ZNF431: variants seen among roughly 807,000 people sequenced by gnomAD.
The protein encoded by ZNF431 is zinc finger protein 431.
In ZNF431, 34 loss-of-function variants were observed where a neutral mutation model predicts 57.0. The ratio of observed to expected loss-of-function variants is 0.60; its 90% CI spans 0.45 to 0.79. The LOEUF (loss-of-function observed/expected upper bound fraction) is 0.79, where lower values mean the gene tolerates loss of function less well. ZNF431 is among the 30% of genes least tolerant of loss of function. The probability of loss-of-function intolerance (pLI) is 0.00; values close to 1 mark genes in which losing one functional copy is unlikely to be tolerated. For synonymous variants in ZNF431, 207 were observed against 220.3 expected (o/e 0.94, Z 0.54); for missense variants, 607 against 667.1 (o/e 0.91, Z 0.99).
In ZNF431 at chr19:21,187,507, G is replaced by C. The variant is rs976531118; in HGVS notation, c.*3473G>C. ...TAATCCCAGCACTTTGGGAGGCCAA[G>C]GTGGGCGAATCACTTGAGGTCGGGA... is the stretch of plus-strand genomic sequence containing the variant. On this transcript the variant is annotated 3_prime_UTR_variant, in exon 5 of 5. Coordinates refer to ENST00000311048, the MANE Select transcript of ZNF431 (RefSeq NM_133473.4). The C allele has an allele frequency of 6.6e-6, 1 of 151,714 alleles. No individual in the cohort carries two copies. The highest frequency in any genetic ancestry group is 2.4e-5 in the African/African-American group (1 of 41,272). The allele number at this position is 151,714 out of a possible 1,614,324, so 9.4% of individuals were successfully genotyped here.
chr19:21,148,895 T>A (rs7259520), intron 2 of ZNF431, among the ~76,000 whole-genome samples: 5 of 152,116 alleles, frequency 3.3e-5, no homozygotes, highest in Admixed American at 6.5e-5. Flanking sequence ...CTTACTTAGC[T>A]GTAAAACAGG....
At chr19:21,179,994 T>C (rs541289219) in intron 4 of ZNF431, among the ~76,000 whole-genome samples, 34 of 152,252 alleles carry the variant, frequency 2.2e-4, no homozygotes, top group Non-Finnish European at 2.1e-4. Context: ...TCAGTTTCGT[T>C]GTAGTTGCGG....
chr19:21,143,951 G>A (rs1426412389), intron 2 of ZNF431, among the ~76,000 whole-genome samples: 1 of 151,990 alleles, frequency 6.6e-6, no homozygotes, highest in Non-Finnish European at 1.5e-5. Flanking sequence ...AAATGCACCT[G>A]GAGCAGTCAC....
At chr19:21,177,467 T>C (rs777256254) in intron 4 of ZNF431, among the ~76,000 whole-genome samples, 37 of 152,152 alleles carry the variant, frequency 2.4e-4, no homozygotes, top group Admixed American at 2.6e-4. Context: ...TCATGATGCC[T>C]CCAGCTTTGT....
intron 4 of ZNF431, among the ~76,000 whole-genome samples, chr19:21,168,206 A>G (rs1423160931): frequency 6.6e-6 from 1 of 152,076 alleles, no homozygotes; most frequent in Non-Finnish European, 1.5e-5. Context: ...TTTCTCAAGA[A>G]TGCTTTGGCT....
chr19:21,148,625 GTCT>G (rs918834105), intron 2 of ZNF431, among the ~76,000 whole-genome samples: 28 of 152,162 alleles, frequency 1.8e-4, no homozygotes, highest in Admixed American at 1.6e-3. Context: ...ACATTTCCAT[GTCT>G]TCTTATATAA....
intron 2 of ZNF431, among the ~76,000 whole-genome samples, chr19:21,157,848 A>ATT (rs112684254): frequency 5.4e-4 from 75 of 137,700 alleles, no homozygotes; most frequent in African/African-American, 6.7e-4. Flanking sequence ...TTTTTAATGA[A>ATT]TTTTTTTTTT....
chr19:21,145,369 C>G (rs1970054589), intron 2 of ZNF431, among the ~76,000 whole-genome samples: 1 of 152,114 alleles, frequency 6.6e-6, no homozygotes, highest in African/African-American at 2.4e-5. Flanking sequence ...CCAGCTTACT[C>G]GGGAGGCTGA....
chr19:21,148,691 G>GT (rs900951359), intron 2 of ZNF431, among the ~76,000 whole-genome samples: 4 of 152,134 alleles, frequency 2.6e-5, no homozygotes, highest in Admixed American at 2.0e-4. Flanking sequence ...ATGTAAAACT[G>GT]TTTTTTAGTA....
rs111362670 is a variant in ZNF431, at chr19:21,176,238, CT to C, written c.320-6366del. On this transcript the variant is annotated intron_variant, in intron 4 of 4. Transcript: ENST00000311048. ...AGTGTTTCTTCTTGTTCTTTGCTCA[CT>C]TTTTTTTTTTTTTTTTTTGAGACTG... Among the ~76,000 whole-genome samples, 1,004 of 133,140 alleles carry C rather than the reference CT, an allele frequency of 7.5e-3. 3 individuals carry two copies. The highest frequency in any genetic ancestry group is 0.021 in the African/African-American group (759 of 36,018). The allele number at this position is 133,140 out of a possible 152,430, so 87.3% of individuals were successfully genotyped here.
At chr19:21,150,771 G>A (rs1970248255) in intron 2 of ZNF431, among the ~76,000 whole-genome samples, 2 of 152,134 alleles carry the variant, frequency 1.3e-5, no homozygotes, top group African/African-American at 4.8e-5. Flanking sequence ...CATTCCAAAA[G>A]TATAGTTCTC....
chr19:21,169,210 G>A (rs953049383), intron 4 of ZNF431, among the ~76,000 whole-genome samples: 1 of 152,032 alleles, frequency 6.6e-6, no homozygotes, highest in Non-Finnish European at 1.5e-5. Flanking sequence ...ACTGCGCCTG[G>A]CTGTTTAGAC....
At chr19:21,179,653 A>C (rs1971159496) in intron 4 of ZNF431, among the ~76,000 whole-genome samples, 1 of 148,166 alleles carries the variant, frequency 6.7e-6, no homozygotes, top group South Asian at 2.1e-4. Context: ...TCCGCCTCCC[A>C]GGTTCAAGCA....
In ZNF431 at chr19:21,186,817, A is replaced by G. The variant is rs1971384009; in HGVS notation, c.*2783A>G. ...TTAGATGTAATTCCAAAAGTAGTGT[A>G]TTAAGTTACATTTTATTTAGTTAGA... On this transcript the variant is annotated 3_prime_UTR_variant, in exon 5 of 5. Transcript: ENST00000311048. 2.0e-5 allele frequency: 3 copies of G among 152,204 alleles called. No homozygotes were observed. The allele number at this position is 152,204 out of a possible 1,614,324, so 9.4% of individuals were successfully genotyped here. A position where few individuals can be genotyped will look rare whatever the true frequency, so the allele number is the denominator to read the frequency against.
At chr19:21,160,731 G>A (rs1458752119) in intron 2 of ZNF431, among the ~76,000 whole-genome samples, 1 of 152,218 alleles carries the variant, frequency 6.6e-6, no homozygotes, top group African/African-American at 2.4e-5. Context: ...AAGTAATCCT[G>A]TGTTTTTTAC....
Position 21,183,554 on chromosome 19 carries a change from A to C in ZNF431, c.1251A>C (p.Thr417=). ...TTAATGAGTCCTCAAACCTTACTACACATAAGATGATTCATACTGGAGAGA... is the reference window on the plus strand; with the variant it reads ...TTAATGAGTCCTCAAACCTTACTACCCATAAGATGATTCATACTGGAGAGA... ...KAFNESSNLT[T]HKMIHTGEKP... Residue 417 remains threonine, a synonymous_variant, in exon 5 of 5, where the codon ACA becomes ACC. Coordinates refer to ENST00000311048, the MANE Select transcript of ZNF431 (RefSeq NM_133473.4). 1 of 1,613,542 alleles carries C rather than the reference A, an allele frequency of 6.2e-7. No homozygotes were observed. The highest frequency in any genetic ancestry group is 1.1e-5 in the South Asian group (1 of 91,076).
intron 3 of ZNF431, 116 bp downstream of exon 3, chr19:21,166,577 T>C (rs532258195): frequency 1.6e-6 from 2 of 1,224,272 alleles, no homozygotes; most frequent in South Asian, 1.6e-5. Flanking sequence ...AATCCCAGTT[T>C]TCAAGAAAAT....
At chr19:21,145,767 C>A (rs1311605498) in intron 2 of ZNF431, among the ~76,000 whole-genome samples, 1 of 151,866 alleles carries the variant, frequency 6.6e-6, no homozygotes, top group African/African-American at 2.4e-5. Context: ...GGAAGAAGTA[C>A]CAATTATAAA....
rs1971298319 is a variant in ZNF431, at chr19:21,184,081, G to C, written c.*47G>C. On this transcript the variant is annotated 3_prime_UTR_variant, in exon 5 of 5. Transcript: ENST00000311048. ...GCATTAAATATTGGCCGGGTGCGGT[G>C]GCTTATGCAAAATGGCTCCCAGCAT... is the stretch of plus-strand genomic sequence containing the variant. 1 of 1,495,776 alleles carries C rather than the reference G, an allele frequency of 6.7e-7. No homozygotes were observed. Among genetic ancestry groups the C allele is most frequent in the African/African-American group, 1.4e-5 (1 of 71,178 alleles). The allele number at this position is 1,495,776 out of a possible 1,614,324, so 92.7% of individuals were successfully genotyped here. A position where few individuals can be genotyped will look rare whatever the true frequency, so the allele number is the denominator to read the frequency against.
Sources: gnomAD v4.1 joint callset for allele counts (sites outside exome capture counted in the v4.1 genomes callset) on GRCh38, gnomAD v4.1.1 for gene constraint, MANE v1.5 for transcripts, NCBI Gene and HGNC (gene_info 2026-07-23, HGNC 2026-07-21) for gene names.